Variants in IREB2 observed in about 807,000 individuals in gnomAD.
The protein encoded by IREB2 is iron-responsive element-binding protein 2.
IREB2 carries 39 observed loss-of-function variants against 118.8 expected under a neutral mutation model. The observed-to-expected ratio is 0.33, with a 90% CI of 0.25 to 0.43. The LOEUF (loss-of-function observed/expected upper bound fraction) is 0.43, where lower values mean the gene tolerates loss of function less well. IREB2 is among the 20% of genes least tolerant of loss of function. The pLI, the probability that IREB2 is intolerant of heterozygous loss-of-function variation, is 1.00. For missense variants in IREB2, 900 were observed against 1,147.3 expected (o/e 0.78, Z 3.11); for synonymous variants, 372 against 392.2 (o/e 0.95, Z 0.61).
intron 2 of IREB2, among the ~76,000 whole-genome samples, chr15:78,441,183 A>G (rs560413040): frequency 6.6e-6 from 1 of 152,320 alleles, no homozygotes; most frequent in Admixed American, 6.5e-5. Flanking sequence ...AAATACAGCT[A>G]TTTTGGAGTA....
At position 78,487,824 on chromosome 15, in the gene IREB2, T is replaced by C. The variant is rs1429404037; in HGVS notation, c.1794+7T>C. 2 of 1,524,094 alleles carry C rather than the reference T, an allele frequency of 1.3e-6. No individual in the cohort carries two copies. The highest frequency in any genetic ancestry group is 2.3e-5 in the South Asian group (2 of 87,860). 94.4% of individuals were successfully genotyped at this position (1,524,094 alleles called of 1,614,324 possible). ...TTTAAATGCAGTAAAACAGGTAAAA[T>C]GTGTGGATTGGCAAGACATCTAAAT... On this transcript the variant is annotated splice_region_variant and intron_variant, in intron 14 of 21. Transcript: ENST00000258886.
chr15:78,452,379 C>A (rs1048579026), intron 2 of IREB2, among the ~76,000 whole-genome samples: 1 of 152,044 alleles, frequency 6.6e-6, no homozygotes, highest in African/African-American at 2.4e-5. Context: ...CTGAATCGGG[C>A]ATGTGGTTTT....
At chr15:78,492,251 C>G (rs1226020579) in intron 18 of IREB2, among the ~76,000 whole-genome samples, 1 of 152,106 alleles carries the variant, frequency 6.6e-6, no homozygotes, top group East Asian at 1.9e-4. Flanking sequence ...AGCAATACCC[C>G]CCGCACCCAG....
chr15:78,476,436 T>A (rs1464426242), intron 9 of IREB2, 77 bp downstream of exon 9: 3 of 1,002,894 alleles, frequency 3.0e-6, no homozygotes, highest in African/African-American at 1.6e-5. Context: ...AATTACTACC[T>A]TATCCATGTT....
intron 12 of IREB2, 59 bp downstream of exon 12, chr15:78,484,979 G>C: frequency 6.7e-7 from 1 of 1,494,674 alleles, no homozygotes; most frequent in Non-Finnish European, 9.2e-7. Context: ...TGGCTTTTCT[G>C]TTATTGTAAC....
Position 78,490,609 on chromosome 15 carries a change from T to C in IREB2, c.2182-10T>C, listed in dbSNP as rs2051734527. ...TAAAGAGTTAAATGCCTTGAACTTTTACCTTCTAGACCAAAGAGCCAATTG... is the reference window on the plus strand; with the variant it reads ...TAAAGAGTTAAATGCCTTGAACTTTCACCTTCTAGACCAAAGAGCCAATTG... On this transcript the variant is annotated splice_polypyrimidine_tract_variant and intron_variant, in intron 17 of 21. Transcript: ENST00000258886. 1 of 1,613,522 alleles carries C rather than the reference T, an allele frequency of 6.2e-7. No individual in the cohort carries two copies. Among genetic ancestry groups the C allele is most frequent in the African/African-American group, 1.3e-5 (1 of 74,890 alleles).
chr15:78,498,068 GT>G lies in IREB2; in HGVS notation c.2820del (p.Phe940LeufsTer7). Reference protein sequence around the residue: ...TGKVFSVIASFEDDVEITLYK... With the variant: ...TGKVFSVIASXEDDVEITLYK... ...GAAAAGTATTCAGCGTGATTGCTTC[GT>G]TTGAAGATGATGTGGAAATAACATT... On this transcript the variant is annotated frameshift_variant, in exon 22 of 22. Coordinates refer to ENST00000258886, the MANE Select transcript of IREB2 (RefSeq NM_004136.4). LOFTEE classifies it high-confidence loss of function. 6.2e-7 allele frequency: 1 copy of G among 1,613,338 alleles called. No individual in the cohort carries two copies. The highest frequency in any genetic ancestry group is 8.5e-7 in the Non-Finnish European group (1 of 1,179,396).
At chr15:78,438,719 G>A in intron 1 of IREB2, 2 of 350,162 alleles carry the variant, frequency 5.7e-6, no homozygotes, top group Non-Finnish European at 1.1e-5. Context: ...CCCCATTGGC[G>A]AGCGATGAAG....
At chr15:78,478,034 CA>C (rs1455822321) in intron 9 of IREB2, among the ~76,000 whole-genome samples, 1 of 145,612 alleles carries the variant, frequency 6.9e-6, no homozygotes, top group Non-Finnish European at 1.5e-5. Flanking sequence ...CCAACCTATT[CA>C]AAAAAAACAA....
At chr15:78,441,744 T>A (rs1382019059) in intron 2 of IREB2, among the ~76,000 whole-genome samples, 3 of 152,236 alleles carry the variant, frequency 2.0e-5, no homozygotes, top group African/African-American at 7.2e-5. Context: ...TGTACATAAC[T>A]GTACAGAGTA....
At chr15:78,457,721 A>T (rs576863364) in intron 2 of IREB2, among the ~76,000 whole-genome samples, 1 of 151,988 alleles carries the variant, frequency 6.6e-6, no homozygotes, top group East Asian at 1.9e-4. Flanking sequence ...GTTTTTCAAA[A>T]TTTTTTTGGC....
At chr15:78,441,954 T>C (rs185991531) in intron 2 of IREB2, among the ~76,000 whole-genome samples, 582 of 152,304 alleles carry the variant, frequency 3.8e-3, no homozygotes, top group Non-Finnish European at 6.7e-3. Context: ...TCACCCAGGC[T>C]GGAGTGCAAT....
chr15:78,474,651 T>C (rs372976768), intron 8 of IREB2: 2 of 152,204 alleles, frequency 1.3e-5, no homozygotes, highest in African/African-American at 2.4e-5. Context: ...TTACTTCTTT[T>C]TTGAGATCCT....
chr15:78,458,207 G>A (rs2656065), intron 2 of IREB2, among the ~76,000 whole-genome samples: 59,098 of 151,844 alleles, frequency 0.39, 12,303 homozygotes, highest in African/African-American at 0.54. Context: ...CAACTTTATG[G>A]GTCTTTGTGT....
At chr15:78,455,307 G>A (rs1230385115) in intron 2 of IREB2, among the ~76,000 whole-genome samples, 2 of 152,154 alleles carry the variant, frequency 1.3e-5, no homozygotes, top group Non-Finnish European at 2.9e-5. Flanking sequence ...TTGCAAGATG[G>A]TATAGTTGGA....
intron 2 of IREB2, among the ~76,000 whole-genome samples, chr15:78,457,671 C>A (rs1385047568): frequency 6.6e-6 from 1 of 152,092 alleles, no homozygotes; most frequent in African/African-American, 2.4e-5. Context: ...CTCCTCTGTT[C>A]TGCTCAGTCC....
chr15:78,488,638 T>G lies in IREB2; in HGVS notation c.1952-9T>G, dbSNP rs1256285188. 1 of 1,586,298 alleles carries G rather than the reference T, an allele frequency of 6.3e-7. No individual in the cohort carries two copies. The highest frequency in any genetic ancestry group is 8.5e-7 in the Non-Finnish European group (1 of 1,172,566). On this transcript the variant is annotated splice_polypyrimidine_tract_variant and intron_variant, in intron 15 of 21. Transcript: ENST00000258886. The stretch of plus-strand genomic sequence containing the variant: ...TTTACTGAGTATCATGTTCAAAAAT[T>G]TTAACCAGGTACTGACCCCACCGGC...
Position 78,500,482 on chromosome 15 carries a change from A to ACAG in IREB2, c.*2339_*2340insCAG, listed in dbSNP as rs1410265453. ...ATGTTTGCAAAATGTGGCATCTGTT[A>ACAG]GTTTTTATTGTCTGTGTCTTCTTTG... On this transcript the variant is annotated 3_prime_UTR_variant, in exon 22 of 22. Coordinates refer to ENST00000258886, the MANE Select transcript of IREB2 (RefSeq NM_004136.4). 1.4e-5 allele frequency: 2 copies of ACAG among 147,424 alleles called. No individual in the cohort carries two copies. The highest frequency in any genetic ancestry group is 5.0e-5 in the African/African-American group (2 of 39,638). The allele number at this position is 147,424 out of a possible 1,614,324, so 9.1% of individuals were successfully genotyped here. A position where few individuals can be genotyped will look rare whatever the true frequency, so the allele number is the denominator to read the frequency against.
chr15:78,487,341 A>G (rs1416237220), intron 13 of IREB2, among the ~76,000 whole-genome samples: 1 of 152,214 alleles, frequency 6.6e-6, no homozygotes. Flanking sequence ...ATTCTCTTGT[A>G]CAGTGATAAG....
Sources: gnomAD v4.1 joint callset for allele counts (sites outside exome capture counted in the v4.1 genomes callset) on GRCh38, gnomAD v4.1.1 for gene constraint, MANE v1.5 for transcripts, NCBI Gene and HGNC (gene_info 2026-07-23, HGNC 2026-07-21) for gene names.